EXOC6B: variants seen among roughly 807,000 people sequenced by gnomAD.
The protein encoded by EXOC6B is SEC15 homolog B.
A neutral mutation model predicts 113.5 loss-of-function variants in EXOC6B; 54 were observed. The observed-to-expected ratio is 0.48, with a 90% CI of 0.38 to 0.60. The LOEUF is 0.60. Ranked by LOEUF, EXOC6B falls within the 20% of genes least tolerant of loss-of-function variation. EXOC6B has a pLI of 0.00. For missense variants in EXOC6B, 797 were observed against 977.5 expected, an observed-to-expected ratio of 0.82 and a Z score of 2.46; for synonymous variants, 357 against 339.0, an observed-to-expected ratio of 1.05 and a Z score of -0.58.
chr2:72,747,873 C>T (rs943163360), intron 1 of EXOC6B, among the ~76,000 whole-genome samples: 5 of 152,020 alleles, frequency 3.3e-5, no homozygotes, highest in Non-Finnish European at 5.9e-5. Flanking sequence ...ATCATTTTTA[C>T]AGAATTTATT....
At chr2:72,466,209 G>A (rs1327922835) in intron 17 of EXOC6B, among the ~76,000 whole-genome samples, 2 of 151,966 alleles carry the variant, frequency 1.3e-5, no homozygotes, top group Non-Finnish European at 2.9e-5. Flanking sequence ...GCTGGGCATG[G>A]TGGTGGGAGC....
At chr2:72,545,113 G>T (rs1421841868) in intron 8 of EXOC6B, among the ~76,000 whole-genome samples, 3 of 151,948 alleles carry the variant, frequency 2.0e-5, no homozygotes, top group Non-Finnish European at 4.4e-5. Flanking sequence ...ATTTAAAATA[G>T]AATCAAGACA....
intron 11 of EXOC6B, among the ~76,000 whole-genome samples, chr2:72,504,362 T>C (rs1381306282): frequency 6.6e-6 from 1 of 152,228 alleles, no homozygotes; most frequent in Non-Finnish European, 1.5e-5. Context: ...TGAGACTTAA[T>C]CAATATTTTT....
intron 1 of EXOC6B, among the ~76,000 whole-genome samples, chr2:72,747,541 T>C (rs1573731754): frequency 6.6e-6 from 1 of 152,034 alleles, no homozygotes; most frequent in Admixed American, 6.6e-5. Context: ...CCAAACATCA[T>C]GTTATATGAC....
At chr2:72,579,265 T>G (rs1486618343) in intron 6 of EXOC6B, among the ~76,000 whole-genome samples, 1 of 152,060 alleles carries the variant, frequency 6.6e-6, no homozygotes, top group African/African-American at 2.4e-5. Context: ...AAATAGTAAG[T>G]TGAATGCAGG....
intron 6 of EXOC6B, among the ~76,000 whole-genome samples, chr2:72,672,693 A>G (rs180741877): frequency 6.6e-6 from 1 of 152,358 alleles, no homozygotes; most frequent in African/African-American, 2.4e-5. Flanking sequence ...ATTAAGTGAA[A>G]TAAGCCAAGC....
At chr2:72,335,093 G>A (rs904566258) in intron 19 of EXOC6B, 73 bp from the exon 20 acceptor site, 1 of 1,363,078 alleles carries the variant, frequency 7.3e-7, no homozygotes, top group Non-Finnish European at 1.0e-6. Context: ...ACGGATGACA[G>A]GGAAGACAAG....
chr2:72,601,157 TGTGTGTG>T (rs1670408946), intron 6 of EXOC6B, among the ~76,000 whole-genome samples: 1 of 145,592 alleles, frequency 6.9e-6, no homozygotes, highest in Admixed American at 6.8e-5. Context: ...TGTGTGTGTG[TGTGTGTG>T]TGTGTGTGTG....
chr2:72,541,204 C>A (rs188716754), intron 8 of EXOC6B, among the ~76,000 whole-genome samples: 3 of 152,160 alleles, frequency 2.0e-5, no homozygotes, highest in African/African-American at 7.2e-5. Flanking sequence ...ACTCTTGCCA[C>A]TGCCATGTAA....
intron 20 of EXOC6B, among the ~76,000 whole-genome samples, chr2:72,230,297 C>G (rs1400016906): frequency 6.6e-6 from 1 of 151,984 alleles, no homozygotes; most frequent in Non-Finnish European, 1.5e-5. Flanking sequence ...TAAATATGAA[C>G]TAAGTTAGAA....
chr2:72,502,048 C>T (rs1012078848), intron 11 of EXOC6B, among the ~76,000 whole-genome samples: 1 of 152,050 alleles, frequency 6.6e-6, no homozygotes, highest in Non-Finnish European at 1.5e-5. Flanking sequence ...CAGGCATCAG[C>T]CACCACACTT....
At chr2:72,468,954 T>C (rs1395078662) in intron 17 of EXOC6B, among the ~76,000 whole-genome samples, 2 of 152,166 alleles carry the variant, frequency 1.3e-5, no homozygotes, top group African/African-American at 4.8e-5. Context: ...CTTTATTTTT[T>C]AGTGTTTTAG....
intron 18 of EXOC6B, among the ~76,000 whole-genome samples, chr2:72,413,536 A>G (rs191744671): frequency 2.6e-5 from 4 of 151,564 alleles, no homozygotes; most frequent in Non-Finnish European, 4.4e-5. Context: ...TACAAAAATT[A>G]GCTGGGTGTA....
intron 20 of EXOC6B, among the ~76,000 whole-genome samples, chr2:72,312,302 C>T (rs1294137916): frequency 7.0e-6 from 1 of 143,488 alleles, no homozygotes; most frequent in Admixed American, 7.0e-5. Context: ...GTTGTCAATA[C>T]TTTTTTTTTT....
chr2:72,822,744 G>A (rs1401708374), intron 1 of EXOC6B, among the ~76,000 whole-genome samples: 1 of 152,094 alleles, frequency 6.6e-6, no homozygotes, highest in Admixed American at 6.5e-5. Flanking sequence ...TCTTCAGCTA[G>A]AAAACCCATC....
chr2:72,218,369 C>T (rs1680663068), intron 20 of EXOC6B, among the ~76,000 whole-genome samples: 1 of 152,156 alleles, frequency 6.6e-6, no homozygotes, highest in Non-Finnish European at 1.5e-5. Flanking sequence ...GTCTTAATTT[C>T]TAGGGACTCA....
intron 19 of EXOC6B, among the ~76,000 whole-genome samples, chr2:72,369,186 T>A (rs1239597517): frequency 6.6e-6 from 1 of 152,138 alleles, no homozygotes; most frequent in Non-Finnish European, 1.5e-5. Context: ...ACAAAATCAA[T>A]GTGCAAAAAT....
chr2:72,567,979 G>A (rs551606143), intron 7 of EXOC6B, among the ~76,000 whole-genome samples: 1 of 152,054 alleles, frequency 6.6e-6, no homozygotes, highest in East Asian at 1.9e-4. Context: ...AAAACCAGTG[G>A]GTAACAAGCT....
At chr2:72,592,332 T>C (rs11888895) in intron 6 of EXOC6B, among the ~76,000 whole-genome samples, 2,512 of 152,096 alleles carry the variant, frequency 0.017, 95 homozygotes, top group African/African-American at 0.058. Flanking sequence ...GATTAGAAAA[T>C]AGACACAAAA....
Sources: gnomAD v4.1 joint callset for allele counts (sites outside exome capture counted in the v4.1 genomes callset) on GRCh38, gnomAD v4.1.1 for gene constraint, MANE v1.5 for transcripts, NCBI Gene and HGNC (gene_info 2026-07-23, HGNC 2026-07-21) for gene names.